Variants in SHROOM4 observed in about 807,000 individuals in gnomAD.
SHROOM4 encodes shroom family member 4.
Under a neutral mutation model 80.3 loss-of-function variants are expected in SHROOM4, and 17 were observed. The observed-to-expected ratio is 0.21, with a 90% CI of 0.14 to 0.32. The LOEUF (loss-of-function observed/expected upper bound fraction) is 0.32, where lower values mean the gene tolerates loss of function less well. Ranked by LOEUF, SHROOM4 falls within the 10% of genes least tolerant of loss-of-function variation. SHROOM4 has a pLI of 1.00. For synonymous variants in SHROOM4, 400 were observed against 437.5 expected (o/e 0.91, Z 1.07); for missense variants, 993 against 1,140.3 (o/e 0.87, Z 1.86).
chrX:50,795,606 G>C (rs1275403271), intron 1 of SHROOM4, among the ~76,000 whole-genome samples: 1 of 111,707 alleles, frequency 9.0e-6, no homozygotes, highest in African/African-American at 3.3e-5. Flanking sequence ...GATTTAGTCA[G>C]GTAGCTGGGA....
chrX:50,785,673 C>T (rs1351119973), intron 1 of SHROOM4, among the ~76,000 whole-genome samples: 1 of 111,229 alleles, frequency 9.0e-6, no homozygotes. Context: ...GGTTGTGGAG[C>T]TGGATTACAA....
chrX:50,759,931 T>C (rs1416716429), intron 1 of SHROOM4, among the ~76,000 whole-genome samples: 1 of 112,072 alleles, frequency 8.9e-6, no homozygotes, highest in African/African-American at 3.2e-5. Context: ...TTACTGCATA[T>C]GATTTCTATT....
intron 1 of SHROOM4, among the ~76,000 whole-genome samples, chrX:50,702,931 T>A (rs782778416): frequency 1.8e-5 from 2 of 111,873 alleles, no homozygotes; most frequent in South Asian, 7.6e-4. Flanking sequence ...TATTCTTTAG[T>A]CTTTAATTCT....
At chrX:50,705,539 A>G (rs1933647626) in intron 1 of SHROOM4, among the ~76,000 whole-genome samples, 1 of 111,250 alleles carries the variant, frequency 9.0e-6, no homozygotes, top group East Asian at 2.8e-4. Context: ...TCACTCTTCT[A>G]ACTTTAAACA....
intron 2 of SHROOM4, among the ~76,000 whole-genome samples, chrX:50,658,420 C>T (rs782630056): frequency 9.0e-6 from 1 of 111,220 alleles, no homozygotes; most frequent in East Asian, 2.8e-4. Context: ...AAATCTGCCC[C>T]TCCACTCTAT....
chrX:50,648,374 T>C (rs1162654527), intron 2 of SHROOM4, among the ~76,000 whole-genome samples: 1 of 111,782 alleles, frequency 8.9e-6, no homozygotes, highest in Non-Finnish European at 1.9e-5. Flanking sequence ...AAAAAGAAAA[T>C]TGGCAGTCTT....
At chrX:50,617,373 T>G (rs1930285956) in intron 5 of SHROOM4, among the ~76,000 whole-genome samples, 1 of 111,496 alleles carries the variant, frequency 9.0e-6, no homozygotes, top group African/African-American at 3.3e-5. Context: ...TGATTAATGT[T>G]CAACCCTGCT....
At chrX:50,742,024 A>G (rs1934670317) in intron 1 of SHROOM4, among the ~76,000 whole-genome samples, 1 of 111,242 alleles carries the variant, frequency 9.0e-6, no homozygotes, top group Admixed American at 9.6e-5. Flanking sequence ...GGAGAAAAAT[A>G]CATATTATAA....
chrX:50,660,344 G>C (rs192632576), intron 2 of SHROOM4, among the ~76,000 whole-genome samples: 2 of 111,293 alleles, frequency 1.8e-5, no homozygotes, highest in Non-Finnish European at 3.8e-5. Flanking sequence ...GCTGATCCAA[G>C]GACCACACTT....
intron 2 of SHROOM4, among the ~76,000 whole-genome samples, chrX:50,676,288 GA>G (rs1374039393): frequency 9.1e-6 from 1 of 110,172 alleles, no homozygotes; most frequent in Non-Finnish European, 1.9e-5. Context: ...TGGTATTCTA[GA>G]AAAGTAGTTT....
At chrX:50,688,576 TA>T (rs201634324) in intron 2 of SHROOM4, among the ~76,000 whole-genome samples, 2,739 of 110,550 alleles carry the variant, frequency 0.025, 82 homozygotes, top group African/African-American at 0.085. Context: ...GGTGAGAAGG[TA>T]GGGGGAAGGG....
At chrX:50,813,204 G>C (rs1936386247) in intron 1 of SHROOM4, among the ~76,000 whole-genome samples, 1 of 110,985 alleles carries the variant, frequency 9.0e-6, no homozygotes. Flanking sequence ...AGCAGCAACA[G>C]CAGTAGCTCC....
At chrX:50,653,062 G>C (rs890389653) in intron 2 of SHROOM4, among the ~76,000 whole-genome samples, 6 of 111,344 alleles carry the variant, frequency 5.4e-5, no homozygotes, top group Non-Finnish European at 9.4e-5. Context: ...TCTTTTTTTG[G>C]TTCCATATGA....
At chrX:50,696,269 G>A (rs1050444632) in intron 1 of SHROOM4, among the ~76,000 whole-genome samples, 1 of 111,902 alleles carries the variant, frequency 8.9e-6, no homozygotes, top group Non-Finnish European at 1.9e-5. Context: ...CTACCAAAAC[G>A]TGCAGACAAA....
rs782220944 is a variant in SHROOM4, at chrX:50,620,994, C to G, written c.2957+6620G>C. ...CATTTTGTTGTACAAAGGCTTCCCCCCCACCAACTTTTATATATTTGAATC... is the reference window on the plus strand; with the variant it reads ...CATTTTGTTGTACAAAGGCTTCCCCGCCACCAACTTTTATATATTTGAATC... On this transcript the variant is annotated intron_variant, in intron 5 of 8. Transcript: ENST00000376020. Among the ~76,000 whole-genome samples, 12 of 111,479 alleles carry G rather than the reference C, an allele frequency of 1.1e-4. No homozygotes were observed. In the East Asian group the frequency reaches 3.4e-3, roughly 31 times the overall value.
At chrX:50,705,980 CTCA>C (rs781798555) in intron 1 of SHROOM4, among the ~76,000 whole-genome samples, 130 of 93,173 alleles carry the variant, frequency 1.4e-3, no homozygotes, top group African/African-American at 4.9e-3. Context: ...CCCACAACCT[CTCA>C]TCCTCTACAC....
intron 1 of SHROOM4, among the ~76,000 whole-genome samples, chrX:50,812,841 A>G (rs781865432): frequency 6.5e-4 from 73 of 112,096 alleles, no homozygotes; most frequent in African/African-American, 2.4e-3. Flanking sequence ...TTCAACTGCC[A>G]TTTAAGCGGG....
intron 7 of SHROOM4, among the ~76,000 whole-genome samples, chrX:50,599,788 G>GT (rs1459796916): frequency 1.8e-5 from 2 of 111,682 alleles, no homozygotes; most frequent in African/African-American, 6.5e-5. Flanking sequence ...GCCCTCCTCT[G>GT]TAAGTCTTCT....
chrX:50,605,221 C>CT (rs1452633527), intron 6 of SHROOM4, among the ~76,000 whole-genome samples: 1 of 111,547 alleles, frequency 9.0e-6, no homozygotes, highest in Non-Finnish European at 1.9e-5. Flanking sequence ...CTGGGCCTTG[C>CT]TTTTTTCATC....
Sources: allele counts gnomAD v4.1 joint callset (sites outside exome capture counted in the v4.1 genomes callset), GRCh38; gene constraint gnomAD v4.1.1; transcripts MANE v1.5; gene names NCBI Gene and HGNC (gene_info 2026-07-23, HGNC 2026-07-21).